The following ANXA8 variants were observed in gnomAD, a reference collection of about 807,000 sequenced individuals.
ANXA8 encodes VAC-beta.
In ANXA8, 9 loss-of-function variants were observed where a neutral mutation model predicts 26.8. That is an observed-to-expected ratio of 0.34 (90% confidence interval 0.20 to 0.59). The LOEUF is 0.59. ANXA8 is among the 20% of genes least tolerant of loss of function. The pLI is 0.84. For synonymous variants in ANXA8, 39 were observed against 94.8 expected (o/e 0.41, Z 3.42); for missense variants, 83 against 238.5 (o/e 0.35, Z 4.29).
the ANXA8 span, among the ~76,000 whole-genome samples, chr10:47,698,949 G>A: frequency 6.6e-6 from 1 of 151,454 alleles, no homozygotes; most frequent in African/African-American, 2.4e-5. Context: ...TAATAGAAAA[G>A]CACTCGAGGC....
chr10:47,697,413 G>A, the ANXA8 span, among the ~76,000 whole-genome samples: 1 of 151,504 alleles, frequency 6.6e-6, no homozygotes, highest in Admixed American at 6.6e-5. Context: ...AAATATATTT[G>A]ATAAAATGCT....
chr10:47,522,311 G>A, the ANXA8 span, among the ~76,000 whole-genome samples: 102 of 146,640 alleles, frequency 7.0e-4, no homozygotes, highest in Non-Finnish European at 1.3e-3. Flanking sequence ...AATAAAGTCT[G>A]TTAAGTCACC....
chr10:47,682,816 TTC>T, the ANXA8 span, among the ~76,000 whole-genome samples: 4 of 152,096 alleles, frequency 2.6e-5, no homozygotes, highest in African/African-American at 9.7e-5. Flanking sequence ...AAAGTTCACT[TTC>T]TGTTTGAGTG....
At chr10:47,626,108 T>C in the ANXA8 span, among the ~76,000 whole-genome samples, 1 of 150,448 alleles carries the variant, frequency 6.6e-6, no homozygotes, top group South Asian at 2.1e-4. Context: ...GCAAACTTAT[T>C]GGACAATTAT....
chr10:47,957,868 C>A, the ANXA8 span, among the ~76,000 whole-genome samples: 2 of 149,348 alleles, frequency 1.3e-5, no homozygotes, highest in Non-Finnish European at 2.9e-5. Context: ...TTATATCTAA[C>A]AAAGTACTGG....
the ANXA8 span, among the ~76,000 whole-genome samples, chr10:47,668,765 G>A: frequency 6.6e-6 from 1 of 151,654 alleles, no homozygotes; most frequent in African/African-American, 2.4e-5. Context: ...CCTCAGATGA[G>A]TGGTAATCCT....
At chr10:47,497,282 G>C in the ANXA8 span, among the ~76,000 whole-genome samples, 2 of 120,004 alleles carry the variant, frequency 1.7e-5, no homozygotes, top group African/African-American at 6.6e-5. Flanking sequence ...TCGTGCCATT[G>C]CACTCCAGCC....
chr10:47,586,568 C>T, the ANXA8 span, among the ~76,000 whole-genome samples: 1 of 145,604 alleles, frequency 6.9e-6, no homozygotes, highest in Non-Finnish European at 1.5e-5. Flanking sequence ...GGGACTGGCC[C>T]CGGGGGATCC....
At chr10:47,548,957 A>T in the ANXA8 span, among the ~76,000 whole-genome samples, 1 of 152,298 alleles carries the variant, frequency 6.6e-6, no homozygotes, top group Non-Finnish European at 1.5e-5. Flanking sequence ...AGTGCCAGGA[A>T]GGATCCAAGA....
the ANXA8 span, among the ~76,000 whole-genome samples, chr10:47,743,307 T>TAC: frequency 6.8e-5 from 2 of 29,594 alleles, no homozygotes; most frequent in African/African-American, 1.2e-4. Flanking sequence ...CATATATATA[T>TAC]ATATACACAT....
chr10:47,975,453 C>T, the ANXA8 span, among the ~76,000 whole-genome samples: 31 of 147,926 alleles, frequency 2.1e-4, no homozygotes, highest in South Asian at 1.1e-3. Flanking sequence ...TGGTGAGCCA[C>T]GAAGTGCTGC....
At chr10:47,483,572 T>A (rs2132437094) in intron 1 of ANXA8, among the ~76,000 whole-genome samples, 1 of 139,470 alleles carries the variant, frequency 7.2e-6, no homozygotes, top group East Asian at 2.4e-4. Flanking sequence ...CCCATACACA[T>A]TTACACACAA....
chr10:47,486,810 AAT>A (rs1840057734), upstream of ANXA8, among the ~76,000 whole-genome samples: 1 of 130,252 alleles, frequency 7.7e-6, no homozygotes, highest in Non-Finnish European at 1.6e-5. Flanking sequence ...AATAAAAAAT[AAT>A]AATAATAAAA....
chr10:47,894,677 A>ACAC, the ANXA8 span, among the ~76,000 whole-genome samples: 1 of 152,140 alleles, frequency 6.6e-6, no homozygotes, highest in African/African-American at 2.4e-5. Context: ...CACACACCAC[A>ACAC]CACATCACAT....
the ANXA8 span, among the ~76,000 whole-genome samples, chr10:47,663,572 A>T: frequency 7.8e-6 from 1 of 127,820 alleles, no homozygotes; most frequent in South Asian, 2.3e-4. Context: ...TTTTGTAAAG[A>T]CAGGGTCTCA....
chr10:47,486,074 C>T (rs1208703054), upstream of ANXA8, among the ~76,000 whole-genome samples: 1 of 151,502 alleles, frequency 6.6e-6, no homozygotes, highest in Non-Finnish European at 1.5e-5. Flanking sequence ...TGCCACTGCA[C>T]TCCTGCCTGG....
At chr10:47,670,056 T>C in the ANXA8 span, among the ~76,000 whole-genome samples, 137 of 151,304 alleles carry the variant, frequency 9.1e-4, 2 homozygotes, top group African/African-American at 3.2e-3. Context: ...ACGAATGTGC[T>C]TTTTGTTTCT....
chr10:47,599,086 A>G, the ANXA8 span, among the ~76,000 whole-genome samples: 1 of 147,366 alleles, frequency 6.8e-6, no homozygotes, highest in African/African-American at 2.6e-5. Context: ...ATGTATTATT[A>G]TATACATAAT....
the ANXA8 span, among the ~76,000 whole-genome samples, chr10:47,955,098 T>G: frequency 6.8e-6 from 1 of 147,680 alleles, no homozygotes; most frequent in African/African-American, 2.5e-5. Flanking sequence ...TACTGTGCTG[T>G]TCTCATGATA....
Sources: allele counts gnomAD v4.1 joint callset (sites outside exome capture counted in the v4.1 genomes callset), GRCh38; gene constraint gnomAD v4.1.1; transcripts MANE v1.5; gene names NCBI Gene and HGNC (gene_info 2026-07-23, HGNC 2026-07-21).